The following CENPH variants were observed in gnomAD, a reference collection of about 807,000 sequenced individuals.
The protein encoded by CENPH is CENP-H.
In CENPH, 40 loss-of-function variants were observed where a neutral mutation model predicts 42.9. The observed-to-expected ratio is 0.93, with a 90% confidence interval of 0.72 to 1.21. The LOEUF is 1.21. CENPH is among the 50% of genes most tolerant of loss of function. The probability of loss-of-function intolerance (pLI) is 0.00; values close to 1 mark genes in which losing one functional copy is unlikely to be tolerated. For synonymous variants in CENPH, 88 were observed against 96.5 expected, an observed-to-expected ratio of 0.91 and a Z score of 0.52; for missense variants, 302 against 292.9, an observed-to-expected ratio of 1.03 and a Z score of -0.23.
intron 8 of CENPH, among the ~76,000 whole-genome samples, 165 bp from the exon 9 acceptor site, chr5:69,209,540 CAA>C (rs1024833550): frequency 8.1e-6 from 1 of 123,578 alleles, no homozygotes; most frequent in Non-Finnish European, 1.7e-5. Flanking sequence ...GACTCCGACT[CAA>C]AAAAAAAAAA....
Position 69,199,453 on chromosome 5 carries a change from G to A in CENPH, c.371+2344G>A, listed in dbSNP as rs375466538. On this transcript the variant is annotated intron_variant, in intron 5 of 8. Transcript: ENST00000283006. ...GGCCTTCCAAAGTGCTGAGATTACA[G>A]GTGTGAACCACCACACCCTGCCAAA... 3.3e-5 allele frequency among the ~76,000 whole-genome samples: 5 copies of A among 152,292 alleles called. No homozygotes were observed. The South Asian group carries it at 1.0e-3, about 32-fold the overall frequency.
intron 2 of CENPH, 33 bp from the exon 3 acceptor site, chr5:69,194,614 T>C: frequency 7.4e-7 from 1 of 1,352,530 alleles, no homozygotes; most frequent in Non-Finnish European, 1.0e-6. Context: ...CTCTCTAAAA[T>C]GTTAGTAACT....
rs770830793 is a variant in CENPH at position 69,189,769 on chromosome 5, G to GT, written c.134+3dup. The GT allele has an allele frequency of 8.8e-6, 13 of 1,485,068 alleles. 1 individual carries two copies. The South Asian group carries it at 1.7e-4, about 19-fold the overall frequency. 92.0% of individuals were successfully genotyped at this position (1,485,068 alleles called of 1,614,324 possible). A position where few individuals can be genotyped will look rare whatever the true frequency, so the allele number is the denominator to read the frequency against. On this transcript the variant is annotated splice_donor_variant, in intron 1 of 8. Coordinates refer to ENST00000283006, the MANE Select transcript of CENPH (RefSeq NM_022909.4). LOFTEE classifies it high-confidence loss of function. Reference sequence around the variant, plus strand: ...AGGACCGCATGACCCTGCTCCTCAGGTTGTTCCCTTTGGCCTCCTCAGCCG... The same window carrying GT: ...AGGACCGCATGACCCTGCTCCTCAGGTTTGTTCCCTTTGGCCTCCTCAGCCG...
intron 3 of CENPH, among the ~76,000 whole-genome samples, chr5:69,194,905 C>A (rs1747938639): frequency 6.6e-6 from 1 of 150,918 alleles, no homozygotes; most frequent in African/African-American, 2.4e-5. Context: ...TTGTACCACA[C>A]CTGACTTTCT....
chr5:69,192,307 A>G (rs1747890663), intron 2 of CENPH, among the ~76,000 whole-genome samples: 1 of 152,220 alleles, frequency 6.6e-6, no homozygotes, highest in Non-Finnish European at 1.5e-5. Context: ...CTCTAAGAAG[A>G]TGATTTTAGA....
intron 5 of CENPH, among the ~76,000 whole-genome samples, chr5:69,198,948 CA>C (rs11330266): frequency 0.6 from 88,295 of 146,966 alleles, 26,426 homozygotes; most frequent in African/African-American, 0.71. Context: ...ATCTCAAAAA[CA>C]AAAAAAAAAA....
intron 5 of CENPH, among the ~76,000 whole-genome samples, chr5:69,197,966 G>A (rs1306994268): frequency 7.3e-6 from 1 of 136,966 alleles, no homozygotes; most frequent in African/African-American, 2.8e-5. Flanking sequence ...TGTCGCCCAG[G>A]CCGGAGTGCA....
At chr5:69,209,247 G>A (rs1022063160) in intron 8 of CENPH, among the ~76,000 whole-genome samples, 3 of 152,188 alleles carry the variant, frequency 2.0e-5, no homozygotes, top group Non-Finnish European at 2.9e-5. Flanking sequence ...ATGCTGCTGG[G>A]TGTGGTGGCT....
intron 8 of CENPH, among the ~76,000 whole-genome samples, chr5:69,208,790 G>A (rs1004479430): frequency 1.3e-5 from 2 of 151,632 alleles, no homozygotes; most frequent in Non-Finnish European, 2.9e-5. Context: ...AATGTTTAAG[G>A]TCTTGATTTT....
intron 1 of CENPH, among the ~76,000 whole-genome samples, chr5:69,191,187 T>C (rs1747865156): frequency 6.6e-6 from 1 of 152,200 alleles, no homozygotes; most frequent in Admixed American, 6.5e-5. Context: ...ATTCTTTGTA[T>C]AGCATCCTCA....
intron 7 of CENPH, among the ~76,000 whole-genome samples, chr5:69,204,597 C>CTTTTTCTTTTTT (rs1748116864): frequency 1.4e-5 from 1 of 69,576 alleles, no homozygotes; most frequent in South Asian, 6.5e-4. Flanking sequence ...GCTTGTATTT[C>CTTTTTCTTTTTT]TTTTTTTTTT....
intron 7 of CENPH, among the ~76,000 whole-genome samples, chr5:69,204,061 A>AGAG (rs547233348): frequency 1.5e-5 from 1 of 65,314 alleles, no homozygotes; most frequent in Non-Finnish European, 3.1e-5. Flanking sequence ...TTATATATAT[A>AGAG]AATATATATA....
chr5:69,194,700 G>A lies in CENPH; in HGVS notation c.239+5G>A. ...GCAAGAAAAGCAAATCGAAGCGTAT[G>A]TTATATTTAAAAATTTTGTTTATGG... On this transcript the variant is annotated splice_donor_5th_base_variant and intron_variant, in intron 3 of 8. Transcript: ENST00000283006. 1 of 1,559,972 alleles carries A rather than the reference G, an allele frequency of 6.4e-7. No individual in the cohort carries two copies. Among genetic ancestry groups the A allele is most frequent in the Non-Finnish European group, 8.7e-7 (1 of 1,144,948 alleles).
intron 7 of CENPH, among the ~76,000 whole-genome samples, 198 bp downstream of exon 7, chr5:69,203,168 G>A (rs1007780810): frequency 1.1e-4 from 16 of 151,824 alleles, no homozygotes; most frequent in African/African-American, 3.6e-4. Context: ...CTTTATTTTC[G>A]TTTTTTGTTT....
At chr5:69,197,376 C>T (rs1409359329) in intron 5 of CENPH, 1 of 307,050 alleles carries the variant, frequency 3.3e-6, no homozygotes, top group Non-Finnish European at 5.9e-6. Flanking sequence ...AGTTCATTTT[C>T]TTCAGTATTT....
chr5:69,201,775 C>T (rs1748062477), intron 5 of CENPH, among the ~76,000 whole-genome samples: 1 of 152,154 alleles, frequency 6.6e-6, no homozygotes, highest in South Asian at 2.1e-4. Flanking sequence ...AGGATGATCG[C>T]TTGAGCCCAG....
chr5:69,195,565 A>G (rs1330246203), intron 3 of CENPH, 152 bp from the exon 4 acceptor site: 1 of 566,340 alleles, frequency 1.8e-6, no homozygotes, highest in East Asian at 3.2e-5. Flanking sequence ...AGTTTACCAA[A>G]TGTGTAAATA....
intron 7 of CENPH, among the ~76,000 whole-genome samples, chr5:69,204,919 CTTT>C (rs375795328): frequency 1.0e-5 from 1 of 99,424 alleles, no homozygotes. Context: ...TTTTCTTTTT[CTTT>C]TTTTTTTTTT....
intron 8 of CENPH, 25 bp from the exon 9 acceptor site, chr5:69,209,682 T>A: frequency 7.7e-7 from 1 of 1,293,268 alleles, no homozygotes. Context: ...ACTTGTAACT[T>A]TAAAACAATT....
Sources: gnomAD v4.1 joint callset for allele counts (sites outside exome capture counted in the v4.1 genomes callset) on GRCh38, gnomAD v4.1.1 for gene constraint, MANE v1.5 for transcripts, NCBI Gene and HGNC (gene_info 2026-07-23, HGNC 2026-07-21) for gene names.